Variants in KAZN observed in about 807,000 individuals in gnomAD.
The protein encoded by KAZN is kazrin.
Under a neutral mutation model 87.4 loss-of-function variants are expected in KAZN, and 40 were observed. The ratio of observed to expected loss-of-function variants is 0.46; its 90% CI spans 0.36 to 0.60. The LOEUF (loss-of-function observed/expected upper bound fraction) is 0.60. Ranked by LOEUF, KAZN falls within the 20% of genes least tolerant of loss-of-function variation. KAZN has a pLI of 0.00. For synonymous variants in KAZN, 466 were observed against 458.3 expected (o/e 1.02, Z -0.22); for missense variants, 898 against 1,073.9 (o/e 0.84, Z 2.29).
In KAZN at chr1:14,923,350, G is replaced by A. The variant is rs1486106836; in HGVS notation, c.227-37334G>A. Among the ~76,000 whole-genome samples, 1 of 152,232 alleles carries A rather than the reference G, an allele frequency of 6.6e-6. No homozygotes were observed. Among genetic ancestry groups the A allele is most frequent in the African/African-American group, 2.4e-5 (1 of 41,468 alleles). On this transcript the variant is annotated intron_variant, in intron 1 of 14. Transcript: ENST00000376030. This position sits in a 1 kb window ranked among gnomAD's most constrained non-coding sequence, Gnocchi z 4.2. ...AGAGCTGCACACTTACTTCACAGGAGCACTGCCAGCCTGAACACCCACTCC... is the reference window on the plus strand; with the variant it reads ...AGAGCTGCACACTTACTTCACAGGAACACTGCCAGCCTGAACACCCACTCC...
chr1:15,072,189 A>C (rs1156567300), intron 8 of KAZN, among the ~76,000 whole-genome samples: 7 of 152,216 alleles, frequency 4.6e-5, no homozygotes, highest in Non-Finnish European at 1.0e-4. Context: ...AGAAATGAGA[A>C]CTGAATGTGT....
At chr1:14,374,350 T>G (rs1250039109) in intron 2 of KAZN, among the ~76,000 whole-genome samples, 2 of 152,132 alleles carry the variant, frequency 1.3e-5, no homozygotes, top group South Asian at 2.1e-4. Context: ...ATCAGCTGAA[T>G]GAACGAATGT....
Position 14,480,378 on chromosome 1 carries a change from C to CT in KAZN, c.250-118603dup, listed in dbSNP as rs112088924. ...AGATACTTTCTCTGGCCTCAATTTG[C>CT]TTACATTCTAGCAGGAGTGACAGGC... On this transcript the variant is annotated intron_variant, in intron 2 of 16. Transcript: ENST00000636203. Among the ~76,000 whole-genome samples, 658 of 152,200 alleles carry CT rather than the reference C, an allele frequency of 4.3e-3. 4 individuals carry two copies. Among genetic ancestry groups the CT allele is most frequent in the African/African-American group, 0.014 (583 of 41,504 alleles).
At chr1:15,057,943 G>T (rs1015884093) in intron 5 of KAZN, among the ~76,000 whole-genome samples, 2 of 152,234 alleles carry the variant, frequency 1.3e-5, no homozygotes, top group African/African-American at 2.4e-5. Flanking sequence ...GCTTGGACAG[G>T]CTGGTGGATC....
intron 1 of KAZN, among the ~76,000 whole-genome samples, chr1:14,097,945 G>T (rs1644164914): frequency 6.6e-6 from 1 of 152,128 alleles, no homozygotes; most frequent in African/African-American, 2.4e-5. Context: ...GATAGTGTCA[G>T]TAGTAACAGC....
intron 2 of KAZN, among the ~76,000 whole-genome samples, chr1:14,230,993 C>T (rs1647773944): frequency 2.0e-5 from 3 of 152,078 alleles, no homozygotes; most frequent in African/African-American, 7.2e-5. Context: ...TAATAGGTCC[C>T]CCTTCATGAG....
intron 2 of KAZN, among the ~76,000 whole-genome samples, chr1:14,215,564 C>T (rs1220521291): frequency 6.6e-6 from 1 of 152,172 alleles, no homozygotes; most frequent in Admixed American, 6.5e-5. Flanking sequence ...AGTTGAATAG[C>T]CTTAACTTTC....
chr1:14,827,037 G>T (rs186130227), intron 1 of KAZN, among the ~76,000 whole-genome samples: 2 of 152,320 alleles, frequency 1.3e-5, no homozygotes, highest in African/African-American at 4.8e-5. Flanking sequence ...ATCAGATGAT[G>T]TGCGGGAGGC....
At chr1:14,004,523 A>G (rs376167095) in intron 1 of KAZN, among the ~76,000 whole-genome samples, 1 of 152,230 alleles carries the variant, frequency 6.6e-6, no homozygotes, top group African/African-American at 2.4e-5. Flanking sequence ...AAATCATGAT[A>G]TAGTCATGTA....
chr1:14,384,616 A>G (rs1019090634), intron 2 of KAZN, among the ~76,000 whole-genome samples: 4 of 152,126 alleles, frequency 2.6e-5, no homozygotes, highest in African/African-American at 9.7e-5. Context: ...GCTGGATTAC[A>G]TTTATTGATT....
chr1:14,276,160 GGTGTGTGTGTGTGTGT>G (rs5772575), intron 2 of KAZN, among the ~76,000 whole-genome samples: 10 of 135,774 alleles, frequency 7.4e-5, no homozygotes, highest in South Asian at 2.5e-4. Context: ...TCGCTATAAG[GGTGTGTGTGTGTGTGT>G]GTGTGTGTGT....
At chr1:14,941,364 C>G (rs983411967) in intron 1 of KAZN, among the ~76,000 whole-genome samples, 12 of 152,172 alleles carry the variant, frequency 7.9e-5, no homozygotes, top group African/African-American at 2.9e-4. Context: ...GTATACTCAC[C>G]TCTTGGCAAG....
intron 1 of KAZN, among the ~76,000 whole-genome samples, chr1:13,955,337 T>C (rs1467569359): frequency 6.6e-6 from 1 of 152,190 alleles, no homozygotes; most frequent in Non-Finnish European, 1.5e-5. Flanking sequence ...TAAAAATACA[T>C]GTTTTTATTG....
chr1:14,567,896 C>T (rs1357988133), intron 2 of KAZN, among the ~76,000 whole-genome samples: 3 of 152,186 alleles, frequency 2.0e-5, no homozygotes, highest in South Asian at 2.1e-4. Flanking sequence ...AATTCTAAAA[C>T]CACCCCTAAG....
At chr1:13,963,840 C>T (rs979692291) in intron 1 of KAZN, among the ~76,000 whole-genome samples, 1 of 150,186 alleles carries the variant, frequency 6.7e-6, no homozygotes, top group African/African-American at 2.5e-5. Flanking sequence ...TACTGGATGT[C>T]ATAATAGGCT....
At chr1:14,559,454 C>G (rs1299335104) in intron 2 of KAZN, among the ~76,000 whole-genome samples, 1 of 152,170 alleles carries the variant, frequency 6.6e-6, no homozygotes, top group African/African-American at 2.4e-5. Context: ...TGCCTTCAAG[C>G]CACTGATGCT....
intron 1 of KAZN, among the ~76,000 whole-genome samples, chr1:14,035,659 A>G (rs1234801465): frequency 7.3e-6 from 1 of 137,554 alleles, no homozygotes; most frequent in East Asian, 2.1e-4. Context: ...TTTTTTTTGT[A>G]GAGATGGGGT....
chr1:14,076,709 C>T (rs778316713), intron 1 of KAZN, among the ~76,000 whole-genome samples: 6 of 152,114 alleles, frequency 3.9e-5, no homozygotes, highest in South Asian at 2.1e-4. Context: ...CACCTGACCC[C>T]GGTGGAATTC....
chr1:14,311,759 T>G (rs998269672), intron 2 of KAZN, among the ~76,000 whole-genome samples: 1 of 151,980 alleles, frequency 6.6e-6, no homozygotes. Context: ...AATGGATAAA[T>G]GGATGGGTGG....
Sources: allele counts gnomAD v4.1 joint callset (sites outside exome capture counted in the v4.1 genomes callset), GRCh38; gene constraint gnomAD v4.1.1; non-coding constraint Gnocchi (gnomAD v3.1); transcripts MANE v1.5; gene names NCBI Gene and HGNC (gene_info 2026-07-23, HGNC 2026-07-21).